EEFSEC: variants seen among roughly 807,000 people sequenced by gnomAD.
EEFSEC encodes selenocysteine-specific elongation factor.
EEFSEC carries 43 observed loss-of-function variants against 42.1 expected under a neutral mutation model. The observed-to-expected ratio is 1.02, with a 90% CI of 0.80 to 1.32. The LOEUF is 1.32. Ranked by LOEUF, EEFSEC falls within the 40% of genes most tolerant of loss-of-function variation. The pLI, the probability that EEFSEC is intolerant of heterozygous loss-of-function variation, is 0.00. For missense variants in EEFSEC, 745 were observed against 803.6 expected (o/e 0.93, Z 0.88); for synonymous variants, 354 against 339.1 (o/e 1.04, Z -0.48).
At chr3:128,326,747 G>A (rs139888713) in intron 4 of EEFSEC, among the ~76,000 whole-genome samples, 16 of 152,284 alleles carry the variant, frequency 1.1e-4, no homozygotes, top group Non-Finnish European at 1.9e-4. Flanking sequence ...TAGAAAATCT[G>A]TCTTTTTATT....
chr3:128,262,651 C>T (rs138957922), intron 3 of EEFSEC, among the ~76,000 whole-genome samples: 3 of 152,364 alleles, frequency 2.0e-5, no homozygotes, highest in Non-Finnish European at 2.9e-5. Context: ...GGGTGAAAGA[C>T]ATGAGCCCAA....
At chr3:128,178,802 C>T (rs1383518918) in intron 1 of EEFSEC, among the ~76,000 whole-genome samples, 3 of 152,208 alleles carry the variant, frequency 2.0e-5, no homozygotes, top group African/African-American at 4.8e-5. Flanking sequence ...TGCCTTACTC[C>T]TTTAATCTCC....
intron 4 of EEFSEC, among the ~76,000 whole-genome samples, chr3:128,295,451 C>CTTTTTTTTTTTTTTTTTT (rs201911929): frequency 1.6e-5 from 1 of 63,986 alleles, no homozygotes; most frequent in Non-Finnish European, 2.8e-5. Context: ...CTTCCCCCTA[C>CTTTTTTTTTTTTTTTTTT]TTTTTTTTTT....
chr3:128,212,054 G>T (rs1303535699), intron 1 of EEFSEC, among the ~76,000 whole-genome samples: 1 of 151,158 alleles, frequency 6.6e-6, no homozygotes, highest in Non-Finnish European at 1.5e-5. Context: ...GTAGAGACAA[G>T]GTTTCACCAT....
chr3:128,262,955 G>A (rs1190295428), intron 3 of EEFSEC, among the ~76,000 whole-genome samples: 1 of 152,176 alleles, frequency 6.6e-6, no homozygotes, highest in Non-Finnish European at 1.5e-5. Context: ...TCAGGGGCTA[G>A]CTCCACCACC....
chr3:128,315,725 G>A (rs956995255), intron 4 of EEFSEC, among the ~76,000 whole-genome samples: 3 of 152,208 alleles, frequency 2.0e-5, no homozygotes, highest in South Asian at 2.1e-4. Context: ...CTGCATACTC[G>A]TCAGGGCCAG....
intron 2 of EEFSEC, among the ~76,000 whole-genome samples, chr3:128,258,047 C>A (rs1198408412): frequency 8.1e-6 from 1 of 122,756 alleles, no homozygotes; most frequent in Admixed American, 9.2e-5. Context: ...AACATTAATT[C>A]TTTTAAGGAA....
At chr3:128,383,747 C>G (rs1018809520) in intron 6 of EEFSEC, among the ~76,000 whole-genome samples, 1 of 152,184 alleles carries the variant, frequency 6.6e-6, no homozygotes, top group Non-Finnish European at 1.5e-5. Flanking sequence ...AGGGCTGGGA[C>G]AGGAGGGGCT....
At chr3:128,379,391 CAA>C (rs568634280) in intron 6 of EEFSEC, among the ~76,000 whole-genome samples, 366 of 152,220 alleles carry the variant, frequency 2.4e-3, no homozygotes, top group African/African-American at 8.3e-3. Flanking sequence ...GCGTTTGAAA[CAA>C]AGACAATGAT....
intron 4 of EEFSEC, 22 bp downstream of exon 4, chr3:128,264,803 C>T (rs771266428): frequency 3.1e-6 from 5 of 1,604,472 alleles, no homozygotes; most frequent in Non-Finnish European, 4.3e-6. Context: ...CTTGTCTTCC[C>T]TTCTGGCCTC....
intron 5 of EEFSEC, among the ~76,000 whole-genome samples, chr3:128,356,840 C>G (rs1205628541): frequency 6.6e-6 from 1 of 152,182 alleles, no homozygotes; most frequent in African/African-American, 2.4e-5. Context: ...TTGTATCTGT[C>G]CATACACACT....
intron 1 of EEFSEC, among the ~76,000 whole-genome samples, chr3:128,155,999 C>T (rs750993448): frequency 7.6e-4 from 115 of 152,302 alleles, no homozygotes; most frequent in Non-Finnish European, 1.3e-3. Flanking sequence ...CATCAAAGTA[C>T]ATTTTAGAAC....
chr3:128,229,221 G>A (rs1349031630), intron 1 of EEFSEC, among the ~76,000 whole-genome samples: 1 of 152,212 alleles, frequency 6.6e-6, no homozygotes, highest in Non-Finnish European at 1.5e-5. Flanking sequence ...GATACTAGGT[G>A]TGGGGCCTCG....
At chr3:128,154,448 C>CTTTTTTTTTTTTT (rs763398966) in intron 1 of EEFSEC, among the ~76,000 whole-genome samples, 1 of 145,500 alleles carries the variant, frequency 6.9e-6, no homozygotes. Flanking sequence ...TTTTCTTTTT[C>CTTTTTTTTTTTTT]TTTTTTTTTT....
At chr3:128,154,098 A>G (rs1944318877) in intron 1 of EEFSEC, among the ~76,000 whole-genome samples, 1 of 151,878 alleles carries the variant, frequency 6.6e-6, no homozygotes, top group Non-Finnish European at 1.5e-5. Context: ...TCCCTACCAA[A>G]TGTGTTTATA....
chr3:128,392,658 T>A (rs909517745), intron 6 of EEFSEC, among the ~76,000 whole-genome samples: 8 of 152,348 alleles, frequency 5.3e-5, no homozygotes, highest in African/African-American at 1.9e-4. Context: ...GACAGGAGGC[T>A]GCCCCTCACG....
At chr3:128,312,506 C>G (rs184328793) in intron 4 of EEFSEC, among the ~76,000 whole-genome samples, 2 of 152,274 alleles carry the variant, frequency 1.3e-5, no homozygotes, top group African/African-American at 4.8e-5. Flanking sequence ...GGGCACCCAC[C>G]GGGGTTCAGA....
At chr3:128,201,784 G>C (rs1303007096) in intron 1 of EEFSEC, among the ~76,000 whole-genome samples, 1 of 152,202 alleles carries the variant, frequency 6.6e-6, no homozygotes, top group Non-Finnish European at 1.5e-5. Flanking sequence ...TTACCACCAA[G>C]TTATGAAGAC....
At chr3:128,235,770 T>G (rs1196917832) in intron 1 of EEFSEC, among the ~76,000 whole-genome samples, 2 of 152,252 alleles carry the variant, frequency 1.3e-5, no homozygotes, top group Non-Finnish European at 2.9e-5. Flanking sequence ...TCTGACCTTT[T>G]GCTCTTCCAG....
Sources: gnomAD v4.1 joint callset for allele counts (sites outside exome capture counted in the v4.1 genomes callset) on GRCh38, gnomAD v4.1.1 for gene constraint, MANE v1.5 for transcripts, NCBI Gene and HGNC (gene_info 2026-07-23, HGNC 2026-07-21) for gene names.